ERCC6: variants seen among roughly 807,000 people sequenced by gnomAD.
The protein encoded by ERCC6 is ERCC excision repair 6, chromatin remodeling factor.
A neutral mutation model predicts 158.7 loss-of-function variants in ERCC6; 116 were observed. That is an observed-to-expected ratio of 0.73 (90% confidence interval 0.63 to 0.85). The LOEUF (loss-of-function observed/expected upper bound fraction) is 0.85, where lower values mean the gene tolerates loss of function less well. ERCC6 is among the 40% of genes least tolerant of loss of function. ERCC6 has a pLI of 0.00. For synonymous variants in ERCC6, 678 were observed against 659.3 expected (o/e 1.03, Z -0.43); for missense variants, 1,698 against 1,799.4 (o/e 0.94, Z 1.02).
At chr10:49,453,070 C>T (rs566314744), downstream of ERCC6, among the ~76,000 whole-genome samples, 11 of 152,194 alleles carry the variant, frequency 7.2e-5, no homozygotes, top group Non-Finnish European at 1.5e-4. Flanking sequence ...AAGTTGAATA[C>T]ACATTACTTT....
intron 8 of ERCC6, among the ~76,000 whole-genome samples, chr10:49,491,584 G>T (rs1851173552): frequency 6.6e-6 from 1 of 152,164 alleles, no homozygotes; most frequent in Non-Finnish European, 1.5e-5. Context: ...CCAAAGTCAA[G>T]GAGACAAATT....
intron 5 of ERCC6, chr10:49,515,972 G>A (rs1245345758): frequency 6.2e-7 from 1 of 1,614,100 alleles, no homozygotes; most frequent in Admixed American, 1.7e-5. Context: ...GTGGAACTCT[G>A]TCAATGTGAT....
At position 49,524,688 on chromosome 10, in the gene ERCC6, A is replaced by C; in HGVS notation, c.742T>G (p.Phe248Val). 1 of 1,612,614 alleles carries C rather than the reference A, an allele frequency of 6.2e-7. No homozygotes were observed. The highest frequency in any genetic ancestry group is 8.5e-7 in the Non-Finnish European group (1 of 1,180,014). ...ELIRTGQMTP[F>V]GTQIPQKQEK... ...TGTTTCTGAGGGATCTGGGTACCAA[A>C]AGGTGTCATCTGGCCAGTGCGGATG... The change falls in exon 5 of 21, where the codon TTT (phenylalanine) becomes GTT (valine). Residue 248 changes from phenylalanine (F) to valine (V), a missense_variant. Transcript: ENST00000355832.
At chr10:49,516,219 C>A (rs1273650955) in intron 5 of ERCC6, 1 of 1,614,034 alleles carries the variant, frequency 6.2e-7, no homozygotes, top group East Asian at 2.2e-5. Context: ...GGTGGCACCA[C>A]ACCAAAACTT....
At chr10:49,491,623 CATA>C (rs1851174534) in intron 8 of ERCC6, among the ~76,000 whole-genome samples, 1 of 152,186 alleles carries the variant, frequency 6.6e-6, no homozygotes, top group East Asian at 1.9e-4. Context: ...ATTCTATTTC[CATA>C]ATGAGTCCAT....
At position 49,524,384 on chromosome 10, in the gene ERCC6, G is replaced by A. The variant is rs1209786479; in HGVS notation, c.1046C>T (p.Pro349Leu). Residue 349 changes from proline (P) to leucine (L), a missense_variant, in exon 5 of 21, where the codon CCA becomes CTA. Transcript: ENST00000355832. ...TGACTCCCAAGGTCTCCTTGCCTTT[G>A]GCAATCCCACTTTCCCCTGGAACTG... ...ALQFQGKVGL[P>L]KARRPWESDM... The A allele has an allele frequency of 2.5e-6, 4 of 1,614,098 alleles. No individual in the cohort carries two copies. The highest frequency in any genetic ancestry group is 1.7e-4 in the Middle Eastern group (1 of 6,060).
At chr10:49,482,900 A>T in intron 9 of ERCC6, 37 bp from the exon 10 acceptor site, 1 of 1,611,516 alleles carries the variant, frequency 6.2e-7, no homozygotes, top group Non-Finnish European at 8.5e-7. Context: ...TATTAAATTT[A>T]CCTTTTAGCA....
At chr10:49,485,338 T>C (rs554753751) in intron 8 of ERCC6, among the ~76,000 whole-genome samples, 3 of 152,176 alleles carry the variant, frequency 2.0e-5, no homozygotes, top group Non-Finnish European at 2.9e-5. Context: ...GCTAGTACTA[T>C]TGACACTAGG....
At chr10:49,491,722 T>C (rs4253146) in intron 8 of ERCC6, among the ~76,000 whole-genome samples, 3,610 of 152,276 alleles carry the variant, frequency 0.024, 154 homozygotes, top group African/African-American at 0.081. Flanking sequence ...AGGTGTCCAA[T>C]ACACACACTT....
At chr10:49,441,927 A>G in the ERCC6 span, among the ~76,000 whole-genome samples, 1 of 152,186 alleles carries the variant, frequency 6.6e-6, no homozygotes, top group Non-Finnish European at 1.5e-5. Context: ...CTGAAAGCAA[A>G]ACTTCGTCCT....
intron 7 of ERCC6, among the ~76,000 whole-genome samples, chr10:49,495,548 C>T (rs528012690): frequency 2.2e-4 from 34 of 152,264 alleles, no homozygotes; most frequent in South Asian, 8.3e-4. Context: ...GATCACTCTT[C>T]TGAACTCCAA....
chr10:49,443,629 C>A, the ERCC6 span, among the ~76,000 whole-genome samples: 9 of 152,252 alleles, frequency 5.9e-5, no homozygotes, highest in African/African-American at 1.9e-4. Flanking sequence ...ACTTCCAGTC[C>A]TCCAAGCTCC....
intron 5 of ERCC6, chr10:49,516,450 A>T: frequency 1.2e-6 from 2 of 1,614,222 alleles, no homozygotes; most frequent in Non-Finnish European, 1.7e-6. Flanking sequence ...TATAGTTTCA[A>T]ACCGGTCACG....
chr10:49,496,570 G>A (rs1294493837), intron 7 of ERCC6, among the ~76,000 whole-genome samples: 2 of 152,272 alleles, frequency 1.3e-5, no homozygotes, highest in Admixed American at 6.5e-5. Context: ...CACTTTGGGA[G>A]GCCGAGGCGG....
intron 18 of ERCC6, among the ~76,000 whole-genome samples, chr10:49,463,465 T>C (rs1850619231): frequency 6.6e-6 from 1 of 152,046 alleles, no homozygotes; most frequent in Admixed American, 6.5e-5. Context: ...AATACTGCAG[T>C]GGCTGTCAGG....
At chr10:49,474,616 AT>A (rs756648642) in intron 12 of ERCC6, among the ~76,000 whole-genome samples, 12 of 152,194 alleles carry the variant, frequency 7.9e-5, no homozygotes, top group Non-Finnish European at 1.6e-4. Context: ...ATCAACCTAA[AT>A]TTGGAGACAT....
At chr10:49,521,000 T>C (rs182878899) in intron 5 of ERCC6, among the ~76,000 whole-genome samples, 75 of 152,320 alleles carry the variant, frequency 4.9e-4, no homozygotes, top group African/African-American at 1.6e-3. Flanking sequence ...CTGGATGAAC[T>C]TCCCCAACAG....
the ERCC6 span, among the ~76,000 whole-genome samples, chr10:49,445,822 G>C: frequency 6.6e-6 from 1 of 152,170 alleles, no homozygotes; most frequent in African/African-American, 2.4e-5. Flanking sequence ...TTAACACCAA[G>C]GCATGGGTAG....
intron 14 of ERCC6, 45 bp downstream of exon 14, chr10:49,473,432 C>T (rs376428170): frequency 1.5e-5 from 19 of 1,234,012 alleles, no homozygotes; most frequent in African/African-American, 5.9e-5. Context: ...TTTCCCTCCA[C>T]GTACAGCAGC....
Sources: allele counts gnomAD v4.1 joint callset (sites outside exome capture counted in the v4.1 genomes callset), GRCh38; gene constraint gnomAD v4.1.1; transcripts MANE v1.5; gene names NCBI Gene and HGNC (gene_info 2026-07-23, HGNC 2026-07-21).